Variants in SCGB2B2 observed in about 807,000 individuals in gnomAD.
SCGB2B2 encodes secretoglobin-like protein.
A neutral mutation model predicts 7.6 loss-of-function variants in SCGB2B2; 11 were observed. That is an observed-to-expected ratio of 1.45 (90% CI 0.91 to 2.40). The LOEUF is 2.40. Ranked by LOEUF, SCGB2B2 falls within the 30% of genes most tolerant of loss-of-function variation. The probability of loss-of-function intolerance (pLI) is 0.00; values close to 1 mark genes in which losing one functional copy is unlikely to be tolerated. For synonymous variants in SCGB2B2, 50 were observed against 48.6 expected (o/e 1.03, Z -0.12); for missense variants, 104 against 115.4 (o/e 0.90, Z 0.45).
rs2065457068 is a variant in SCGB2B2, at chr19:34,596,454, T to C, written c.-1891A>G. ...GTGCACGTGTGTGAGAATGGGATTT[T>C]GTGTGTGTGTGAGTGGAATGCGCTG... is the stretch of plus-strand genomic sequence containing the variant. On this transcript the variant is annotated 5_prime_UTR_variant, in exon 2 of 4. Coordinates refer to ENST00000601241, the MANE Select transcript of SCGB2B2 (RefSeq NM_001025591.4). 6.6e-6 allele frequency: 1 copy of C among 152,632 alleles called. No homozygotes were observed. Among genetic ancestry groups the C allele is most frequent in the Non-Finnish European group, 1.5e-5 (1 of 68,214 alleles). The allele number at this position is 152,632 out of a possible 1,614,324, so 9.5% of individuals were successfully genotyped here.
chr19:34,668,712 G>C (rs146995247), intron 1 of SCGB2B2, among the ~76,000 whole-genome samples: 3,023 of 151,610 alleles, frequency 0.02, 100 homozygotes, highest in African/African-American at 0.068. Context: ...TGCACCAATC[G>C]ACACTCTGTA....
At chr19:34,624,280 G>A (rs566601248) in intron 1 of SCGB2B2, among the ~76,000 whole-genome samples, 4 of 152,320 alleles carry the variant, frequency 2.6e-5, no homozygotes, top group Admixed American at 2.0e-4. Flanking sequence ...AACCCAAATG[G>A]AGAGGAGGGT....
intron 1 of SCGB2B2, among the ~76,000 whole-genome samples, chr19:34,650,759 C>T (rs754569979): frequency 3.3e-5 from 5 of 151,276 alleles, no homozygotes; most frequent in Non-Finnish European, 5.9e-5. Context: ...TTTTACAAGA[C>T]CAACATTATC....
intron 1 of SCGB2B2, among the ~76,000 whole-genome samples, chr19:34,642,565 A>C (rs544193484): frequency 6.6e-6 from 1 of 151,876 alleles, no homozygotes; most frequent in African/African-American, 2.4e-5. Flanking sequence ...AATACAAAAA[A>C]ATTAGCCGGG....
intron 1 of SCGB2B2, among the ~76,000 whole-genome samples, chr19:34,643,349 T>C (rs1242069503): frequency 1.3e-5 from 2 of 152,164 alleles, no homozygotes; most frequent in Admixed American, 6.5e-5. Context: ...CACTCAATCA[T>C]GTGTGGGAGC....
chr19:34,671,396 T>C (rs958381632), intron 1 of SCGB2B2, among the ~76,000 whole-genome samples: 10 of 152,382 alleles, frequency 6.6e-5, no homozygotes, highest in African/African-American at 2.4e-4. Flanking sequence ...CTTTATAATA[T>C]GTCTTTAAAT....
intron 1 of SCGB2B2, among the ~76,000 whole-genome samples, chr19:34,651,725 A>G (rs923600551): frequency 2.6e-5 from 4 of 151,320 alleles, no homozygotes; most frequent in Admixed American, 6.6e-5. Context: ...TGCAGATTCA[A>G]TGAAATTCCT....
At chr19:34,588,685 C>A (rs1391418887), downstream of SCGB2B2, among the ~76,000 whole-genome samples, 1 of 152,190 alleles carries the variant, frequency 6.6e-6, no homozygotes, top group Non-Finnish European at 1.5e-5. Context: ...CTGCTGATGT[C>A]CTGTGCACTC....
intron 1 of SCGB2B2, among the ~76,000 whole-genome samples, chr19:34,623,790 A>G (rs1357446363): frequency 6.6e-6 from 1 of 152,196 alleles, no homozygotes; most frequent in African/African-American, 2.4e-5. Flanking sequence ...TTGACTTCTA[A>G]GCATAAAATC....
rs148149192 is a variant in SCGB2B2 at position 34,652,164 on chromosome 19, A to G, written c.-2032+23466T>C. The stretch of plus-strand genomic sequence containing the variant: ...GTTTACAGACTTAAAAGCTGAAACT[A>G]TGAAACTGCTTGAAGAAAACATAGG... On this transcript the variant is annotated intron_variant, in intron 1 of 3. Transcript: ENST00000601241. Among the ~76,000 whole-genome samples the G allele has an allele frequency of 9.0e-3, 1,361 of 151,450 alleles. 107 individuals carry two copies. Among genetic ancestry groups the G allele is most frequent in the African/African-American group, 0.032 (1,309 of 40,720 alleles).
intron 1 of SCGB2B2, among the ~76,000 whole-genome samples, chr19:34,633,638 T>G (rs2145961565): frequency 6.6e-6 from 1 of 152,094 alleles, no homozygotes. Context: ...AGAGGGATTT[T>G]AAAGGGGGCT....
At chr19:34,631,396 C>T (rs2066530662) in intron 1 of SCGB2B2, among the ~76,000 whole-genome samples, 1 of 151,172 alleles carries the variant, frequency 6.6e-6, no homozygotes, top group Admixed American at 6.6e-5. Flanking sequence ...ATTCTTCTTC[C>T]ACTGTGGGCC....
intron 1 of SCGB2B2, among the ~76,000 whole-genome samples, chr19:34,675,075 C>T (rs1364003386): frequency 6.6e-6 from 1 of 152,200 alleles, no homozygotes; most frequent in Non-Finnish European, 1.5e-5. Context: ...ATCTCATTAA[C>T]AATTAAAAAA....
Position 34,654,430 on chromosome 19 carries a change from G to C in SCGB2B2, c.-2032+21200C>G, listed in dbSNP as rs1371782050. On this transcript the variant is annotated intron_variant, in intron 1 of 3. Coordinates refer to ENST00000601241, the MANE Select transcript of SCGB2B2 (RefSeq NM_001025591.4). ...CAAAAGTTACAAATTATACACTTTA[G>C]ATAAACATACTTGTTACAGGTCAAT... 2.6e-5 allele frequency among the ~76,000 whole-genome samples: 4 copies of C among 151,118 alleles called. 1 individual carries two copies. The highest frequency in any genetic ancestry group is 9.9e-5 in the African/African-American group (4 of 40,478).
At chr19:34,635,459 C>A in intron 1 of SCGB2B2, 1 of 298,052 alleles carries the variant, frequency 3.4e-6, no homozygotes, top group South Asian at 4.2e-5. Context: ...CGTGAACTTT[C>A]TTGTGTTGAA....
At position 34,591,023 on chromosome 19, in the gene SCGB2B2, T is replaced by G. The variant is rs1241285506; in HGVS notation, c.*2532A>C. On this transcript the variant is annotated 3_prime_UTR_variant, in exon 4 of 4. Coordinates refer to ENST00000601241, the MANE Select transcript of SCGB2B2 (RefSeq NM_001025591.4). ...TTTAATTGAGACTGAATAAGTAGCA[T>G]GATCTGCATTATTTTCTTTAGCTCC... Among the ~76,000 whole-genome samples the G allele has an allele frequency of 6.6e-6, 1 of 152,252 alleles. No homozygotes were observed. The highest frequency in any genetic ancestry group is 2.4e-5 in the African/African-American group (1 of 41,470).
intron 1 of SCGB2B2, among the ~76,000 whole-genome samples, chr19:34,670,268 T>G (rs2067768029): frequency 6.6e-6 from 1 of 152,154 alleles, no homozygotes; most frequent in African/African-American, 2.4e-5. Flanking sequence ...ATAAAAAGCA[T>G]AATTACACCA....
At chr19:34,668,542 G>C (rs1319011820) in intron 1 of SCGB2B2, among the ~76,000 whole-genome samples, 1 of 152,210 alleles carries the variant, frequency 6.6e-6, no homozygotes, top group Non-Finnish European at 1.5e-5. Flanking sequence ...TGCACGGCGC[G>C]GGACTGGCAG....
chr19:34,662,552 T>G (rs12986415), intron 1 of SCGB2B2, among the ~76,000 whole-genome samples: 1 of 151,600 alleles, frequency 6.6e-6, no homozygotes, highest in African/African-American at 2.4e-5. Flanking sequence ...AAGTATAACA[T>G]TGATAAATTT....
Sources: allele counts gnomAD v4.1 joint callset (sites outside exome capture counted in the v4.1 genomes callset), GRCh38; gene constraint gnomAD v4.1.1; transcripts MANE v1.5; gene names NCBI Gene and HGNC (gene_info 2026-07-23, HGNC 2026-07-21).